Variants in SLCO5A1 observed in about 807,000 individuals in gnomAD.
SLCO5A1 encodes solute carrier organic anion transporter family member 5A1, also known as organic anion transporter polypeptide-related protein 4.
In SLCO5A1, 39 loss-of-function variants were observed where a neutral mutation model predicts 65.1. The observed-to-expected ratio is 0.60, with a 90% CI of 0.46 to 0.78. The LOEUF (loss-of-function observed/expected upper bound fraction) is 0.78. Ranked by LOEUF, SLCO5A1 falls within the 30% of genes least tolerant of loss-of-function variation. The pLI is 0.00. For synonymous variants in SLCO5A1, 438 were observed against 415.7 expected (o/e 1.05, Z -0.65); for missense variants, 1,029 against 1,069.4 (o/e 0.96, Z 0.53).
chr8:69,676,298 A>G (rs1419198322), intron 9 of SLCO5A1, among the ~76,000 whole-genome samples: 2 of 152,238 alleles, frequency 1.3e-5, no homozygotes, highest in Non-Finnish European at 2.9e-5. Flanking sequence ...AAATGCTAGG[A>G]TTACAAATTC....
intron 2 of SLCO5A1, among the ~76,000 whole-genome samples, chr8:69,792,728 C>T (rs375943162): frequency 1.3e-5 from 2 of 152,052 alleles, no homozygotes; most frequent in East Asian, 3.9e-4. Flanking sequence ...ATTCACTGGT[C>T]TCAACAATAG....
At chr8:69,782,222 T>C (rs1818829325) in intron 2 of SLCO5A1, among the ~76,000 whole-genome samples, 1 of 151,582 alleles carries the variant, frequency 6.6e-6, no homozygotes, top group African/African-American at 2.4e-5. Context: ...TCCCAGAACT[T>C]AAAGTATAAT....
At chr8:69,730,252 A>G (rs1816271353) in intron 5 of SLCO5A1, among the ~76,000 whole-genome samples, 1 of 152,222 alleles carries the variant, frequency 6.6e-6, no homozygotes, top group Admixed American at 6.5e-5. Context: ...GATAATATTG[A>G]TTCTGGACAT....
intron 2 of SLCO5A1, among the ~76,000 whole-genome samples, chr8:69,819,971 A>G (rs1449845164): frequency 3.3e-5 from 5 of 152,132 alleles, no homozygotes; most frequent in Non-Finnish European, 7.3e-5. Context: ...TCAAAAACAA[A>G]ACAAAACAAA....
chr8:69,671,039 T>C lies in SLCO5A1; in HGVS notation c.*1830A>G, dbSNP rs901863367. 1 of 152,024 alleles carries C rather than the reference T, an allele frequency of 6.6e-6. No individual in the cohort carries two copies. The highest frequency in any genetic ancestry group is 1.5e-5 in the Non-Finnish European group (1 of 67,988). 9.4% of individuals were successfully genotyped at this position (152,024 alleles called of 1,614,324 possible). ...AGAGTCTGACAATTACCAGTGCAAT[T>C]ACAGTCTTAACCAAGCAAGAATCCT... On this transcript the variant is annotated 3_prime_UTR_variant, in exon 10 of 10. Coordinates refer to ENST00000260126, the MANE Select transcript of SLCO5A1 (RefSeq NM_030958.3).
At chr8:69,740,764 G>T (rs1816759236) in intron 4 of SLCO5A1, among the ~76,000 whole-genome samples, 1 of 152,158 alleles carries the variant, frequency 6.6e-6, no homozygotes, top group African/African-American at 2.4e-5. Context: ...TCATGGAATG[G>T]TGAGGACATG....
rs181137055 is a variant in SLCO5A1, at chr8:69,671,484, C to T, written c.*1385G>A. On this transcript the variant is annotated 3_prime_UTR_variant, in exon 10 of 10. Transcript: ENST00000260126. ...CCCCTGAGCTAACTTGCTGTCAATC[C>T]GTTAGCGCCGTCAGGAAGCATCTAT... 3 of 152,336 alleles carry T rather than the reference C, an allele frequency of 2.0e-5. No homozygotes were observed. The highest frequency in any genetic ancestry group is 3.9e-4 in the East Asian group (2 of 5,186). The allele number at this position is 152,336 out of a possible 1,614,324, so 9.4% of individuals were successfully genotyped here. A position where few individuals can be genotyped will look rare whatever the true frequency, so the allele number is the denominator to read the frequency against.
intron 5 of SLCO5A1, among the ~76,000 whole-genome samples, chr8:69,706,245 G>A (rs144177326): frequency 1.1e-4 from 17 of 152,320 alleles, no homozygotes; most frequent in Non-Finnish European, 2.4e-4. Context: ...AAACAGCATT[G>A]TCTGGGAATG....
chr8:69,751,524 T>C (rs1048001809), intron 4 of SLCO5A1, among the ~76,000 whole-genome samples: 23 of 152,064 alleles, frequency 1.5e-4, no homozygotes, highest in Non-Finnish European at 3.4e-4. Context: ...AAGGGCGCCA[T>C]TCTGTATGGC....
At chr8:69,711,016 C>CGT in intron 5 of SLCO5A1, among the ~76,000 whole-genome samples, 1 of 152,036 alleles carries the variant, frequency 6.6e-6, no homozygotes, top group African/African-American at 2.4e-5. Context: ...CATACTGTCC[C>CGT]CCCCACTCAA....
chr8:69,759,010 T>A (rs1487214456), intron 3 of SLCO5A1, among the ~76,000 whole-genome samples: 1 of 152,200 alleles, frequency 6.6e-6, no homozygotes, highest in African/African-American at 2.4e-5. Context: ...AGCTGCAAAA[T>A]GCACATACCA....
chr8:69,715,760 A>G (rs1268187653), intron 5 of SLCO5A1, among the ~76,000 whole-genome samples: 2 of 152,226 alleles, frequency 1.3e-5, no homozygotes, highest in Non-Finnish European at 2.9e-5. Context: ...CAGACATTTC[A>G]TAAATATAGT....
intron 5 of SLCO5A1, among the ~76,000 whole-genome samples, chr8:69,713,161 A>G (rs949399868): frequency 1.3e-5 from 2 of 152,240 alleles, no homozygotes; most frequent in Non-Finnish European, 2.9e-5. Flanking sequence ...ATATCCAACC[A>G]TGGTGACTTA....
intron 8 of SLCO5A1, among the ~76,000 whole-genome samples, chr8:69,678,800 GA>G (rs10648194): frequency 0.088 from 12,301 of 139,586 alleles, 530 homozygotes; most frequent in Non-Finnish European, 0.099. Flanking sequence ...CTGAAAAACT[GA>G]AAAAAAAAAA....
chr8:69,818,958 G>A (rs916044298), intron 2 of SLCO5A1, among the ~76,000 whole-genome samples: 1 of 152,126 alleles, frequency 6.6e-6, no homozygotes, highest in African/African-American at 2.4e-5. Context: ...CCTCATGTTA[G>A]TTTTCAGTGG....
intron 4 of SLCO5A1, among the ~76,000 whole-genome samples, chr8:69,747,072 T>C (rs1817066746): frequency 6.6e-6 from 1 of 152,176 alleles, no homozygotes; most frequent in African/African-American, 2.4e-5. Flanking sequence ...TTCCCAAGGA[T>C]ATCCCAACAA....
rs118051884 is a variant in SLCO5A1, at chr8:69,820,891, A to G, written c.907+10876T>C. Among the ~76,000 whole-genome samples, 274 of 152,250 alleles carry G rather than the reference A, an allele frequency of 1.8e-3. 7 individuals carry two copies. The East Asian group carries it at 0.047, about 26-fold the overall frequency. ...GGTCTTCAAAATGTTATAGCAAGAG[A>G]AACAAATGTAGTAATCCCCAGGCAG... is the stretch of plus-strand genomic sequence containing the variant. On this transcript the variant is annotated intron_variant, in intron 2 of 9. Transcript: ENST00000260126.
At chr8:69,755,340 G>T in intron 4 of SLCO5A1, 84 bp downstream of exon 4, 1 of 1,103,968 alleles carries the variant, frequency 9.1e-7, no homozygotes, top group South Asian at 1.4e-5. Flanking sequence ...CAGACAGTGG[G>T]TAGACAGCAT....
chr8:69,743,728 T>C (rs1023177033), intron 4 of SLCO5A1, among the ~76,000 whole-genome samples: 1 of 152,070 alleles, frequency 6.6e-6, no homozygotes, highest in Admixed American at 6.5e-5. Context: ...GGACCTGATA[T>C]CCCCAAATGA....
Sources: allele counts gnomAD v4.1 joint callset (sites outside exome capture counted in the v4.1 genomes callset), GRCh38; gene constraint gnomAD v4.1.1; transcripts MANE v1.5; gene names NCBI Gene and HGNC (gene_info 2026-07-23, HGNC 2026-07-21).